The following CHST15 variants were observed in gnomAD, a reference collection of about 807,000 sequenced individuals.
CHST15 encodes the protein B cell RAG associated protein (GALNAC4S-6ST).
In CHST15, 30 loss-of-function variants were observed where a neutral mutation model predicts 53.6. The observed-to-expected ratio is 0.56, with a 90% CI of 0.42 to 0.76. The LOEUF is 0.76. Ranked by LOEUF, CHST15 falls within the 30% of genes least tolerant of loss-of-function variation. The pLI is 0.00. For missense variants in CHST15, 627 were observed against 740.5 expected, an observed-to-expected ratio of 0.85 and a Z score of 1.78; for synonymous variants, 296 against 289.8, an observed-to-expected ratio of 1.02 and a Z score of -0.22.
At chr10:124,081,472 T>C (rs558005520) in intron 1 of CHST15, among the ~76,000 whole-genome samples, 1 of 152,342 alleles carries the variant, frequency 6.6e-6, no homozygotes, top group South Asian at 2.1e-4. Context: ...AGTATGTGCA[T>C]TTCTTTCAAT....
intron 6 of CHST15, chr10:124,020,060 T>A: frequency 1.0e-6 from 1 of 985,820 alleles, no homozygotes. Flanking sequence ...AGCCTCCATC[T>A]TCTCTCCCCG....
At chr10:124,081,558 A>G (rs560216273) in intron 1 of CHST15, among the ~76,000 whole-genome samples, 45 of 152,336 alleles carry the variant, frequency 3.0e-4, no homozygotes, top group African/African-American at 8.7e-4. Context: ...TTCTTATTAC[A>G]GTTGTAAAGG....
intron 1 of CHST15, among the ~76,000 whole-genome samples, chr10:124,063,637 C>T (rs1948661850): frequency 6.6e-6 from 1 of 151,732 alleles, no homozygotes; most frequent in Non-Finnish European, 1.5e-5. Flanking sequence ...GTTGATGGGG[C>T]ATGGCTCGAA....
At position 124,045,966 on chromosome 10, in the gene CHST15, C is replaced by T. The variant is rs148589652; in HGVS notation, c.247G>A (p.Val83Ile). The T allele has an allele frequency of 2.1e-4, 347 of 1,614,140 alleles. No individual in the cohort carries two copies. The African/African-American group carries it at 3.0e-3, about 14-fold the overall frequency. Residue 83 changes from valine (V) to isoleucine (I), a missense_variant, in exon 2 of 8, where the codon GTT becomes ATT. This residue lies in a region of CHST15 where 187 missense variants were observed against 251.8 expected (regional missense o/e 0.74). Coordinates refer to ENST00000435907, the MANE Select transcript of CHST15 (RefSeq NM_001270764.2). ...RFKKGKRCSL[V>I]FGLIIMTLVM... The stretch of plus-strand genomic sequence containing the variant: ...AAGGTCATTATTATCAGTCCAAAAA[C>T]GAGGCTACATCGCTTCCCCTTTTTG...
chr10:124,057,235 T>A (rs1948414217), intron 1 of CHST15, among the ~76,000 whole-genome samples: 1 of 152,206 alleles, frequency 6.6e-6, no homozygotes, highest in South Asian at 2.1e-4. Flanking sequence ...TGAAGTTAAT[T>A]TCTCCTTAAT....
Position 124,009,062 on chromosome 10 carries a change from G to A in CHST15, c.*1087C>T. Reference sequence around the variant, plus strand: ...GTATCTATAGTCCCTTGCTGGGTGAGGAACTTTGACCACACGCAGTGGAGA... The same window carrying A: ...GTATCTATAGTCCCTTGCTGGGTGAAGAACTTTGACCACACGCAGTGGAGA... On this transcript the variant is annotated 3_prime_UTR_variant, in exon 8 of 8. Transcript: ENST00000435907. 1 of 1,285,698 alleles carries A rather than the reference G, an allele frequency of 7.8e-7. No individual in the cohort carries two copies. Among genetic ancestry groups the A allele is most frequent in the Non-Finnish European group, 1.0e-6 (1 of 985,950 alleles). The allele number at this position is 1,285,698 out of a possible 1,614,324, so 79.6% of individuals were successfully genotyped here.
rs190580549 is a variant in CHST15 at position 124,034,821 on chromosome 10, G to A, written c.1190+3694C>T. ...CGCCCCTAACGGGGACCCCGGCTCC[G>A]CCCCCTAACGGGGACCCTGGTTCTA... On this transcript the variant is annotated intron_variant, in intron 5 of 7. Coordinates refer to ENST00000435907, the MANE Select transcript of CHST15 (RefSeq NM_001270764.2). Among the ~76,000 whole-genome samples, 287 of 108,960 alleles carry A rather than the reference G, an allele frequency of 2.6e-3. 1 individual carries two copies. The highest frequency in any genetic ancestry group is 3.9e-3 in the Non-Finnish European group (215 of 54,922). The allele number at this position is 108,960 out of a possible 152,430, so 71.5% of individuals were successfully genotyped here. A position where few individuals can be genotyped will look rare whatever the true frequency, so the allele number is the denominator to read the frequency against.
chr10:124,037,321 G>A (rs527998459), intron 5 of CHST15, among the ~76,000 whole-genome samples: 1 of 152,288 alleles, frequency 6.6e-6, no homozygotes, highest in South Asian at 2.1e-4. Flanking sequence ...AAGACACAAA[G>A]GGCTGTGGTC....
In CHST15 at chr10:124,019,618, C is replaced by T. The variant is rs1410609984; in HGVS notation, c.1347+1638G>A. 2 of 312,912 alleles carry T rather than the reference C, an allele frequency of 6.4e-6. No homozygotes were observed. The highest frequency in any genetic ancestry group is 1.2e-4 in the South Asian group (1 of 8,098). 19.4% of individuals were successfully genotyped at this position (312,912 alleles called of 1,614,324 possible). A position where few individuals can be genotyped will look rare whatever the true frequency, so the allele number is the denominator to read the frequency against. On this transcript the variant is annotated intron_variant, in intron 6 of 7. Coordinates refer to ENST00000435907, the MANE Select transcript of CHST15 (RefSeq NM_001270764.2). The surrounding 1 kb of genome is among the most constrained non-coding windows in gnomAD (Gnocchi z 4.6). ...CCGTTTCCTTATGAAGGCTCCCTCCCGGGTTACATGAAATTTACGTTAAAC... is the reference window on the plus strand; with the variant it reads ...CCGTTTCCTTATGAAGGCTCCCTCCTGGGTTACATGAAATTTACGTTAAAC...
At chr10:124,012,104 A>G (rs1042796913) in intron 7 of CHST15, among the ~76,000 whole-genome samples, 1 of 152,154 alleles carries the variant, frequency 6.6e-6, no homozygotes, top group African/African-American at 2.4e-5. Context: ...CAGAAGGGAA[A>G]CCATCTCCTT....
chr10:124,026,236 C>G (rs1012347947), intron 5 of CHST15, among the ~76,000 whole-genome samples: 10 of 152,154 alleles, frequency 6.6e-5, no homozygotes, highest in Admixed American at 5.2e-4. Context: ...AGCACTCAGA[C>G]AGGGGAGCAC....
chr10:124,028,169 C>T (rs1947084348), intron 5 of CHST15, among the ~76,000 whole-genome samples: 1 of 152,204 alleles, frequency 6.6e-6, no homozygotes, highest in South Asian at 2.1e-4. Context: ...TCACATCCGG[C>T]ATCTAGAAAA....
intron 1 of CHST15, among the ~76,000 whole-genome samples, chr10:124,082,752 T>C (rs370150480): frequency 4.6e-4 from 70 of 152,328 alleles, no homozygotes; most frequent in African/African-American, 1.6e-3. Context: ...AGGAAGGAAG[T>C]GCTGACGCAT....
intron 6 of CHST15, among the ~76,000 whole-genome samples, chr10:124,013,432 A>T (rs982583723): frequency 6.6e-6 from 1 of 152,216 alleles, no homozygotes. Context: ...CCATGACTCC[A>T]CAGGGAGAGG....
At chr10:124,029,428 G>T (rs1947134122) in intron 5 of CHST15, among the ~76,000 whole-genome samples, 1 of 152,144 alleles carries the variant, frequency 6.6e-6, no homozygotes, top group Non-Finnish European at 1.5e-5. Context: ...CTGTTTGTTG[G>T]GGCCATTCTA....
At chr10:124,039,389 A>T (rs1359314401) in intron 4 of CHST15, among the ~76,000 whole-genome samples, 1 of 152,226 alleles carries the variant, frequency 6.6e-6, no homozygotes, top group Non-Finnish European at 1.5e-5. Context: ...AGGAGAAAGG[A>T]GGAGGGTGGG....
chr10:124,030,110 T>G (rs1040452160), intron 5 of CHST15, among the ~76,000 whole-genome samples: 1 of 152,208 alleles, frequency 6.6e-6, no homozygotes, highest in Non-Finnish European at 1.5e-5. Flanking sequence ...TTGGTGGTTT[T>G]TCTCCCACCA....
At chr10:124,023,502 G>A (rs1025239588) in intron 5 of CHST15, among the ~76,000 whole-genome samples, 1 of 149,198 alleles carries the variant, frequency 6.7e-6, no homozygotes, top group African/African-American at 2.5e-5. Flanking sequence ...AAAAAAAAGA[G>A]GTGTTTTTAT....
chr10:124,009,926 G>T lies in CHST15; in HGVS notation c.*223C>A. ...AGAGCTGAATTCTTGAGAAACTGGGGTCTCCAATGGCCTCGGATAGAGGAG... is the reference window on the plus strand; with the variant it reads ...AGAGCTGAATTCTTGAGAAACTGGGTTCTCCAATGGCCTCGGATAGAGGAG... On this transcript the variant is annotated 3_prime_UTR_variant, in exon 8 of 8. Coordinates refer to ENST00000435907, the MANE Select transcript of CHST15 (RefSeq NM_001270764.2). 1 of 1,376,636 alleles carries T rather than the reference G, an allele frequency of 7.3e-7. No individual in the cohort carries two copies. Among genetic ancestry groups the T allele is most frequent in the South Asian group, 1.5e-5 (1 of 64,860 alleles). 85.3% of individuals were successfully genotyped at this position (1,376,636 alleles called of 1,614,324 possible).
Sources: allele counts gnomAD v4.1 joint callset (sites outside exome capture counted in the v4.1 genomes callset), GRCh38; gene constraint gnomAD v4.1.1; regional missense constraint gnomAD v4.1.1; non-coding constraint Gnocchi (gnomAD v3.1); transcripts MANE v1.5; gene names NCBI Gene and HGNC (gene_info 2026-07-23, HGNC 2026-07-21).